SLC33A2: variants seen among roughly 807,000 people sequenced by gnomAD.
SLC33A2 encodes the protein major facilitator superfamily domain containing 3.
the SLC33A2 span, chr8:144,509,502 G>C: frequency 6.5e-7 from 1 of 1,532,712 alleles, no homozygotes; most frequent in Non-Finnish European, 8.7e-7. Context: ...GCTGGCTTGG[G>C]CCCCGCTGGT....
the SLC33A2 span, chr8:144,511,212 G>A: frequency 1.9e-6 from 3 of 1,584,748 alleles, no homozygotes; most frequent in East Asian, 2.2e-5. Context: ...CTGTGGCCCA[G>A]ATGTCTCTGT....
At chr8:144,510,300 AGAAGGGAGGTGGGGG>A in the SLC33A2 span, 1 of 1,597,838 alleles carries the variant, frequency 6.3e-7, no homozygotes, top group Non-Finnish European at 8.5e-7. Context: ...CCAGGTGGGG[AGAAGGGAGGTGGGGG>A]CAGATATGGA....
chr8:144,509,589 G>C, the SLC33A2 span: 1 of 1,536,120 alleles, frequency 6.5e-7, no homozygotes, highest in Non-Finnish European at 8.7e-7. Flanking sequence ...GCTGCTTGCC[G>C]GGCTGCCCCC....
chr8:144,511,049 C>T, the SLC33A2 span: 1 of 1,605,830 alleles, frequency 6.2e-7, no homozygotes, highest in Non-Finnish European at 8.5e-7. Flanking sequence ...CTGCTGGGCA[C>T]TCTGGCCGGA....
At chr8:144,510,273 A>T in the SLC33A2 span, 2 of 1,564,428 alleles carry the variant, frequency 1.3e-6, no homozygotes, top group Non-Finnish European at 1.7e-6. Context: ...TGAGGAGAGC[A>T]GGGCAGGACT....
At chr8:144,509,880 G>A in the SLC33A2 span, 93 of 1,545,412 alleles carry the variant, frequency 6.0e-5, no homozygotes, top group Non-Finnish European at 7.6e-5. Context: ...CCTGGCCTGG[G>A]CTGCACCAGC....
the SLC33A2 span, chr8:144,509,577 G>C: frequency 1.3e-6 from 2 of 1,528,812 alleles, no homozygotes; most frequent in South Asian, 2.4e-5. Flanking sequence ...CCTGGTGTGT[G>C]GGCTGCTTGC....
the SLC33A2 span, chr8:144,510,303 A>G: frequency 1.9e-6 from 3 of 1,599,958 alleles, no homozygotes; most frequent in African/African-American, 4.0e-5. Context: ...GGTGGGGAGA[A>G]GGGAGGTGGG....
chr8:144,509,106 G>C, the SLC33A2 span: 1 of 454,350 alleles, frequency 2.2e-6, no homozygotes, highest in Non-Finnish European at 3.8e-6. Context: ...GCCGGTGTCC[G>C]GACCGCTCGC....
At chr8:144,510,586 C>G in the SLC33A2 span, 1 of 1,589,136 alleles carries the variant, frequency 6.3e-7, no homozygotes, top group Non-Finnish European at 8.6e-7. Context: ...CCATTTCCCA[C>G]CCCCATCCCA....
chr8:144,509,528 G>C, the SLC33A2 span: 1 of 1,526,756 alleles, frequency 6.5e-7, no homozygotes, highest in East Asian at 2.5e-5. Flanking sequence ...CGCAGGGCTC[G>C]GCGAGGGCCT....
chr8:144,510,799 G>C, the SLC33A2 span: 1 of 1,611,500 alleles, frequency 6.2e-7, no homozygotes, highest in East Asian at 2.2e-5. Context: ...CCCAGGGTCA[G>C]CCTTGCTGAG....
At chr8:144,510,939 G>A in the SLC33A2 span, 45 of 1,599,766 alleles carry the variant, frequency 2.8e-5, no homozygotes, top group Middle Eastern at 1.6e-4. Context: ...GAGAGACCAC[G>A]GGGCTGGGGC....
chr8:144,509,221 C>T, the SLC33A2 span: 1 of 1,160,580 alleles, frequency 8.6e-7, no homozygotes, highest in African/African-American at 1.6e-5. Context: ...TGCCCGGTCC[C>T]AGAACCAAAG....
the SLC33A2 span, chr8:144,510,270 A>G: frequency 1.3e-6 from 2 of 1,560,378 alleles, no homozygotes; most frequent in Admixed American, 1.7e-5. Flanking sequence ...CACTGAGGAG[A>G]GCAGGGCAGG....
At chr8:144,509,712 C>A in the SLC33A2 span, 1 of 1,567,426 alleles carries the variant, frequency 6.4e-7, no homozygotes. Flanking sequence ...TGTGCAGCTG[C>A]TGGAGCCGGC....
chr8:144,510,604 G>C, the SLC33A2 span: 2 of 1,583,590 alleles, frequency 1.3e-6, no homozygotes, highest in Non-Finnish European at 1.7e-6. Context: ...CCAGGAAACT[G>C]CTGCCTCTGT....
At chr8:144,511,107 C>T in the SLC33A2 span, 5 of 1,610,370 alleles carry the variant, frequency 3.1e-6, no homozygotes. Context: ...TGCTCCTGCT[C>T]ATCCTCTCTG....
chr8:144,510,240 C>T, the SLC33A2 span: 2 of 1,474,690 alleles, frequency 1.4e-6, no homozygotes, highest in Non-Finnish European at 9.1e-7. Flanking sequence ...ACTTCTCCCC[C>T]AGTATCTGCA....
Sources: allele counts gnomAD v4.1 joint callset, GRCh38; gene constraint gnomAD v4.1.1; transcripts MANE v1.5; gene names NCBI Gene and HGNC (gene_info 2026-07-23, HGNC 2026-07-21).